Variants in NKAIN2 observed in about 807,000 individuals in gnomAD.
NKAIN2 encodes sodium/potassium-transporting ATPase subunit beta-1-interacting protein 2.
In NKAIN2, 14 loss-of-function variants were observed where a neutral mutation model predicts 32.6. The ratio of observed to expected loss-of-function variants is 0.43; its 90% CI spans 0.28 to 0.67. The LOEUF is 0.67. NKAIN2 is among the 30% of genes least tolerant of loss of function. NKAIN2 has a pLI of 0.17. For missense variants in NKAIN2, 198 were observed against 258.3 expected, an observed-to-expected ratio of 0.77 and a Z score of 1.60; for synonymous variants, 80 against 87.2, an observed-to-expected ratio of 0.92 and a Z score of 0.46.
At chr6:124,344,893 A>G (rs150267995) in intron 2 of NKAIN2, among the ~76,000 whole-genome samples, 15,340 of 152,036 alleles carry the variant, frequency 0.1, 1,804 homozygotes, top group African/African-American at 0.28. Flanking sequence ...GTGAGAGAGG[A>G]CATCCCTGTC....
intron 3 of NKAIN2, among the ~76,000 whole-genome samples, chr6:124,586,715 C>A (rs1234738158): frequency 1.1e-4 from 17 of 152,054 alleles, no homozygotes; most frequent in Admixed American, 1.1e-3. Flanking sequence ...AAATAAAAGA[C>A]TATGGCCACA....
At chr6:123,951,964 CTTTG>C (rs773897459) in intron 1 of NKAIN2, among the ~76,000 whole-genome samples, 19 of 149,506 alleles carry the variant, frequency 1.3e-4, no homozygotes, top group South Asian at 2.1e-4. Context: ...ATTTTTTCTT[CTTTG>C]TTTGTGTGTT....
intron 1 of NKAIN2, among the ~76,000 whole-genome samples, chr6:124,050,108 C>T (rs1169989037): frequency 2.6e-5 from 4 of 151,954 alleles, no homozygotes; most frequent in African/African-American, 4.8e-5. Context: ...GGTCTTAAAA[C>T]ACATCCCTCT....
chr6:124,224,598 GCAGTCTTC>G, intron 1 of NKAIN2, among the ~76,000 whole-genome samples: 1 of 152,024 alleles, frequency 6.6e-6, no homozygotes, highest in East Asian at 1.9e-4. Context: ...AGCATTTTAA[GCAGTCTTC>G]TTCTGAAAGA....
chr6:123,970,123 A>G (rs954788424), intron 1 of NKAIN2, among the ~76,000 whole-genome samples: 23 of 151,858 alleles, frequency 1.5e-4, no homozygotes, highest in African/African-American at 5.3e-4. Flanking sequence ...ATATATATAT[A>G]TATGTATAAA....
rs796381171 is a variant in NKAIN2, at chr6:124,716,980, CAAT to C, written c.474+58595_474+58597del. On this transcript the variant is annotated intron_variant, in intron 4 of 6. Coordinates refer to ENST00000368417, the MANE Select transcript of NKAIN2 (RefSeq NM_001040214.3). ...TAGCATAAATACTTGTCGAAAGAGT[CAAT>C]GAATGAATAAATGCCATCACATATG... Among the ~76,000 whole-genome samples the C allele has an allele frequency of 3.1e-4, 47 of 152,252 alleles. 1 individual carries two copies. Among genetic ancestry groups the C allele is most frequent in the African/African-American group, 1.1e-3 (44 of 41,558 alleles).
intron 4 of NKAIN2, among the ~76,000 whole-genome samples, chr6:124,709,719 T>C (rs1345910448): frequency 4.6e-5 from 7 of 151,730 alleles, no homozygotes; most frequent in Admixed American, 3.3e-4. Context: ...GTCTATTTGA[T>C]TCTTCTCTTT....
chr6:124,692,580 C>A (rs191912804), intron 4 of NKAIN2, among the ~76,000 whole-genome samples: 58 of 152,126 alleles, frequency 3.8e-4, no homozygotes, highest in African/African-American at 1.3e-3. Flanking sequence ...ACTTTGGGAG[C>A]CTGAGGTGGG....
chr6:124,385,335 C>A (rs1772848887), intron 3 of NKAIN2, among the ~76,000 whole-genome samples: 1 of 152,056 alleles, frequency 6.6e-6, no homozygotes, highest in African/African-American at 2.4e-5. Context: ...ACTGGCAGCC[C>A]TCTCATAATT....
At position 124,020,738 on chromosome 6, in the gene NKAIN2, C is replaced by A. The variant is rs1370218165; in HGVS notation, c.54+216484C>A. 3.3e-5 allele frequency among the ~76,000 whole-genome samples: 5 copies of A among 152,060 alleles called. No homozygotes were observed. The East Asian group carries it at 9.6e-4, about 29-fold the overall frequency. The stretch of plus-strand genomic sequence containing the variant: ...GAAGCTGATACTTGATATGAAGAAA[C>A]TGAGGCACCGAATTTAGGTTTTTGT... On this transcript the variant is annotated intron_variant, in intron 1 of 6. Transcript: ENST00000368417.
At chr6:124,606,725 A>T (rs763015816) in intron 3 of NKAIN2, among the ~76,000 whole-genome samples, 1 of 152,162 alleles carries the variant, frequency 6.6e-6, no homozygotes, top group Non-Finnish European at 1.5e-5. Context: ...AGAGAACAGG[A>T]TGACAGTCTA....
chr6:124,213,844 C>T (rs1202330677), intron 1 of NKAIN2, among the ~76,000 whole-genome samples: 1 of 152,000 alleles, frequency 6.6e-6, no homozygotes, highest in African/African-American at 2.4e-5. Flanking sequence ...AAGTGTATTC[C>T]CAACATGTAT....
intron 3 of NKAIN2, among the ~76,000 whole-genome samples, chr6:124,620,533 C>G (rs374129677): frequency 4.5e-4 from 68 of 152,258 alleles, no homozygotes; most frequent in African/African-American, 1.6e-3. Context: ...CAGAGATTGT[C>G]AGAAGTGGCT....
At chr6:124,413,826 A>G (rs1020887741) in intron 3 of NKAIN2, among the ~76,000 whole-genome samples, 6 of 152,174 alleles carry the variant, frequency 3.9e-5, no homozygotes, top group African/African-American at 1.4e-4. Flanking sequence ...ATTTCCATAT[A>G]TGATTGTGTA....
At chr6:123,976,075 T>C (rs1778553688) in intron 1 of NKAIN2, among the ~76,000 whole-genome samples, 1 of 151,500 alleles carries the variant, frequency 6.6e-6, no homozygotes, top group Admixed American at 6.6e-5. Context: ...TCTGCCACCA[T>C]GTCCCACGTG....
intron 3 of NKAIN2, among the ~76,000 whole-genome samples, chr6:124,524,480 T>TTCATAGTC (rs770190645): frequency 1.8e-4 from 27 of 152,170 alleles, no homozygotes; most frequent in Non-Finnish European, 3.5e-4. Flanking sequence ...TAGTAACATG[T>TTCATAGTC]TCATAGTCTT....
intron 1 of NKAIN2, among the ~76,000 whole-genome samples, chr6:124,270,129 C>G (rs185156697): frequency 6.6e-6 from 1 of 152,272 alleles, no homozygotes; most frequent in Non-Finnish European, 1.5e-5. Context: ...ATGACAACAG[C>G]TCACACGCTT....
At chr6:124,357,931 G>T (rs1054941039) in intron 3 of NKAIN2, among the ~76,000 whole-genome samples, 2 of 150,880 alleles carry the variant, frequency 1.3e-5, no homozygotes, top group Non-Finnish European at 2.9e-5. Flanking sequence ...CCCCCAACCC[G>T]CACGCCACAA....
intron 3 of NKAIN2, among the ~76,000 whole-genome samples, chr6:124,646,796 CA>C (rs1235936098): frequency 1.3e-5 from 2 of 151,820 alleles, no homozygotes; most frequent in Non-Finnish European, 2.9e-5. Flanking sequence ...ACTAAAAATA[CA>C]AAAATTAGCC....
Sources: allele counts gnomAD v4.1 joint callset (sites outside exome capture counted in the v4.1 genomes callset), GRCh38; gene constraint gnomAD v4.1.1; transcripts MANE v1.5; gene names NCBI Gene and HGNC (gene_info 2026-07-23, HGNC 2026-07-21).